Variants in PCCA observed in about 807,000 individuals in gnomAD.
PCCA encodes propionyl-CoA carboxylase alpha chain, mitochondrial.
PCCA carries 74 observed loss-of-function variants against 101.3 expected under a neutral mutation model. That is an observed-to-expected ratio of 0.73 (90% confidence interval 0.61 to 0.89). The LOEUF (loss-of-function observed/expected upper bound fraction) is 0.89, where lower values mean the gene tolerates loss of function less well. Among genes scored for constraint, PCCA ranks in the 40% least tolerant of loss-of-function variants. PCCA has a pLI of 0.00. For missense variants in PCCA, 891 were observed against 907.0 expected (o/e 0.98, Z 0.23); for synonymous variants, 294 against 313.6 (o/e 0.94, Z 0.66).
intron 21 of PCCA, among the ~76,000 whole-genome samples, chr13:100,496,141 C>T (rs1214857813): frequency 6.6e-6 from 1 of 152,242 alleles, no homozygotes; most frequent in Non-Finnish European, 1.5e-5. Flanking sequence ...AGGAAACTGA[C>T]ATTGAAACAG....
At chr13:100,146,418 T>C (rs1003258851) in intron 4 of PCCA, among the ~76,000 whole-genome samples, 6 of 151,656 alleles carry the variant, frequency 4.0e-5, no homozygotes, top group Non-Finnish European at 5.9e-5. Flanking sequence ...CCACTAAAAC[T>C]ACAAAAATTA....
chr13:100,189,044 C>G (rs113650893), intron 6 of PCCA, among the ~76,000 whole-genome samples: 24,578 of 152,086 alleles, frequency 0.16, 2,079 homozygotes, highest in South Asian at 0.19. Context: ...CCTAGCCCCC[C>G]ACCCCCTGAC....
At chr13:100,520,603 C>CT (rs2087189551) in intron 22 of PCCA, among the ~76,000 whole-genome samples, 2 of 139,480 alleles carry the variant, frequency 1.4e-5, no homozygotes, top group Non-Finnish European at 3.0e-5. Context: ...CCACAGCACT[C>CT]CAGCCTGGGC....
chr13:100,324,751 G>A (rs919096829), intron 16 of PCCA, among the ~76,000 whole-genome samples: 1 of 152,120 alleles, frequency 6.6e-6, no homozygotes, highest in African/African-American at 2.4e-5. Flanking sequence ...ACCTACTGTT[G>A]CTATTGCAGT....
intron 13 of PCCA, 25 bp from the exon 14 acceptor site, chr13:100,302,899 T>C (rs778552561): frequency 7.5e-7 from 1 of 1,327,946 alleles, no homozygotes; most frequent in East Asian, 2.3e-5. Flanking sequence ...TCAAAGACTG[T>C]GCTTCCTTTC....
chr13:100,517,824 A>G (rs945395545), intron 22 of PCCA, among the ~76,000 whole-genome samples: 9 of 152,134 alleles, frequency 5.9e-5, no homozygotes, highest in East Asian at 1.9e-4. Flanking sequence ...CCGAAACCCA[A>G]TGCAGCCTGA....
chr13:100,506,900 A>T (rs369497357), intron 21 of PCCA, among the ~76,000 whole-genome samples: 1 of 152,188 alleles, frequency 6.6e-6, no homozygotes, highest in Admixed American at 6.5e-5. Context: ...TGCTGCCCTA[A>T]TTATAGATTT....
intron 4 of PCCA, among the ~76,000 whole-genome samples, chr13:100,120,017 A>G (rs2049215487): frequency 6.6e-6 from 1 of 151,776 alleles, no homozygotes; most frequent in African/African-American, 2.4e-5. Flanking sequence ...GCTTACAGGC[A>G]TGCATCACCA....
chr13:100,353,781 T>TATC (rs1453388137), intron 18 of PCCA, among the ~76,000 whole-genome samples: 2 of 151,970 alleles, frequency 1.3e-5, no homozygotes, highest in African/African-American at 4.8e-5. Context: ...GGTGAAACCC[T>TATC]ATCTCTATAA....
intron 19 of PCCA, among the ~76,000 whole-genome samples, chr13:100,420,049 G>A (rs2152884721): frequency 6.6e-6 from 1 of 152,318 alleles, no homozygotes; most frequent in Admixed American, 6.5e-5. Context: ...AAGACATTTT[G>A]ATAATATTGT....
intron 18 of PCCA, among the ~76,000 whole-genome samples, chr13:100,341,957 G>GTATGTATATATATATATATATATATA (rs1555426163): frequency 9.3e-6 from 1 of 107,172 alleles, no homozygotes; most frequent in African/African-American, 4.3e-5. Flanking sequence ...ACCCTTCAAA[G>GTATGTATATATATATATATATATATA]TATATATATA....
chr13:100,142,013 A>G (rs1462044459), intron 4 of PCCA, among the ~76,000 whole-genome samples: 1 of 152,120 alleles, frequency 6.6e-6, no homozygotes, highest in Non-Finnish European at 1.5e-5. Flanking sequence ...GATGACTTTG[A>G]GTGTTGGCAA....
chr13:100,237,400 C>G (rs1319111901), intron 8 of PCCA: 1 of 152,040 alleles, frequency 6.6e-6, no homozygotes, highest in Non-Finnish European at 1.5e-5. Flanking sequence ...TACCTCATCT[C>G]TTCATTTTTT....
intron 21 of PCCA, chr13:100,491,462 G>A (rs1403920869): frequency 3.7e-6 from 1 of 273,478 alleles, no homozygotes; most frequent in African/African-American, 2.3e-5. Context: ...TTGTTTGTAT[G>A]CCCCTAGTCA....
At position 100,382,074 on chromosome 13, in the gene PCCA, A is replaced by G. The variant is rs1000951124; in HGVS notation, c.1746+13500A>G. ...CTGCTGCCCTCCACCAGCGAGGGCA[A>G]AGGGCCAGCGTAACAACCTTTTGTA... On this transcript the variant is annotated intron_variant, in intron 19 of 23. Coordinates refer to ENST00000376285, the MANE Select transcript of PCCA (RefSeq NM_000282.4). Among the ~76,000 whole-genome samples, 5 of 152,246 alleles carry G rather than the reference A, an allele frequency of 3.3e-5. No homozygotes were observed. In the East Asian group the frequency reaches 9.6e-4, roughly 29 times the overall value.
intron 4 of PCCA, among the ~76,000 whole-genome samples, chr13:100,134,146 A>G (rs1035593083): frequency 2.6e-5 from 4 of 152,118 alleles, no homozygotes; most frequent in Admixed American, 1.3e-4. Context: ...ATGTACATCC[A>G]TACTGTTAGT....
chr13:100,450,393 CAAA>C (rs527573616), intron 21 of PCCA, among the ~76,000 whole-genome samples: 1 of 133,176 alleles, frequency 7.5e-6, no homozygotes, highest in African/African-American at 2.8e-5. Context: ...GACCCCGTCT[CAAA>C]AAAAAAAAAA....
At chr13:100,207,439 G>A (rs1416358497) in intron 6 of PCCA, among the ~76,000 whole-genome samples, 1 of 151,962 alleles carries the variant, frequency 6.6e-6, no homozygotes, top group Non-Finnish European at 1.5e-5. Context: ...GGAGTGTAGT[G>A]GCTCCATCTC....
At chr13:100,354,074 AAATAAT>A (rs35218503) in intron 18 of PCCA, among the ~76,000 whole-genome samples, 19,865 of 128,960 alleles carry the variant, frequency 0.15, 1,657 homozygotes, top group Non-Finnish European at 0.19. Context: ...CCATCTCTAC[AAATAAT>A]AATAATAATA....
Sources: allele counts gnomAD v4.1 joint callset (sites outside exome capture counted in the v4.1 genomes callset), GRCh38; gene constraint gnomAD v4.1.1; transcripts MANE v1.5; gene names NCBI Gene and HGNC (gene_info 2026-07-23, HGNC 2026-07-21).